The following SUSD4 variants were observed in gnomAD, a reference collection of about 807,000 sequenced individuals.
SUSD4 encodes the protein sushi domain-containing protein 4.
In SUSD4, 41 loss-of-function variants were observed where a neutral mutation model predicts 50.5. The ratio of observed to expected loss-of-function variants is 0.81; its 90% CI spans 0.63 to 1.05. The LOEUF (loss-of-function observed/expected upper bound fraction) is 1.05. SUSD4 is among the 50% of genes least tolerant of loss of function. The pLI is 0.00. For missense variants in SUSD4, 580 were observed against 634.7 expected (o/e 0.91, Z 0.93); for synonymous variants, 257 against 257.3 (o/e 1.00, Z 0.01).
intron 2 of SUSD4, among the ~76,000 whole-genome samples, chr1:223,327,789 A>G (rs1666961648): frequency 6.6e-6 from 1 of 152,232 alleles, no homozygotes; most frequent in Non-Finnish European, 1.5e-5. Flanking sequence ...CATCTGCCTA[A>G]CCCTATCACA....
At chr1:223,228,639 T>G (rs1419960748) in intron 6 of SUSD4, among the ~76,000 whole-genome samples, 1 of 152,142 alleles carries the variant, frequency 6.6e-6, no homozygotes, top group African/African-American at 2.4e-5. Flanking sequence ...AGCTTGCAAA[T>G]GGCCTATAGT....
At chr1:223,251,642 C>T (rs538307192) in intron 5 of SUSD4, among the ~76,000 whole-genome samples, 6 of 152,288 alleles carry the variant, frequency 3.9e-5, no homozygotes, top group East Asian at 1.9e-4. Context: ...TTTCTTAATC[C>T]AGTCTATCAT....
At chr1:223,362,206 C>G (rs751084696) in intron 2 of SUSD4, among the ~76,000 whole-genome samples, 1 of 152,174 alleles carries the variant, frequency 6.6e-6, no homozygotes, top group African/African-American at 2.4e-5. Context: ...TGTGTTAAAG[C>G]CCAACTTATT....
chr1:223,263,921 A>C, intron 5 of SUSD4: 1 of 985,302 alleles, frequency 1.0e-6, no homozygotes, highest in Non-Finnish European at 1.2e-6. Context: ...TACCCACTAT[A>C]CTCAGATGCT....
rs112344466 is a variant in SUSD4, at chr1:223,270,108, A to G, written c.362-1433T>C. On this transcript the variant is annotated intron_variant, in intron 3 of 8. Transcript: ENST00000366878. ...GAAAATAGGATGTCAATGATGGGAA[A>G]GACTCAGGCAGACAGGGGCTTCCAA... Among the ~76,000 whole-genome samples the G allele has an allele frequency of 5.3e-5, 8 of 152,270 alleles. 1 individual carries two copies. The highest frequency in any genetic ancestry group is 1.7e-4 in the African/African-American group (7 of 41,564).
chr1:223,260,337 T>C (rs1407213765), intron 5 of SUSD4, among the ~76,000 whole-genome samples: 4 of 152,242 alleles, frequency 2.6e-5, no homozygotes, highest in Non-Finnish European at 5.9e-5. Flanking sequence ...AGGTGTTCAA[T>C]AGTCACTGGT....
At chr1:223,242,071 A>G (rs1177469232) in intron 5 of SUSD4, among the ~76,000 whole-genome samples, 8 of 152,112 alleles carry the variant, frequency 5.3e-5, no homozygotes, top group Non-Finnish European at 1.0e-4. Context: ...CCTCCCAAGT[A>G]GCTGGGATTA....
At chr1:223,261,540 T>C (rs1662121843) in intron 5 of SUSD4, among the ~76,000 whole-genome samples, 1 of 152,228 alleles carries the variant, frequency 6.6e-6, no homozygotes, top group Non-Finnish European at 1.5e-5. Context: ...GGAGACACTG[T>C]GTCAAACACT....
At chr1:223,263,133 C>T (rs1426227895) in intron 5 of SUSD4, among the ~76,000 whole-genome samples, 6 of 152,098 alleles carry the variant, frequency 3.9e-5, no homozygotes, top group South Asian at 2.1e-4. Context: ...ATCGTAACAA[C>T]GATATCTTTA....
intron 5 of SUSD4, among the ~76,000 whole-genome samples, chr1:223,241,256 T>C (rs1414383115): frequency 1.3e-5 from 2 of 152,204 alleles, no homozygotes; most frequent in African/African-American, 4.8e-5. Context: ...GGGATTTTTA[T>C]GTGAGAAAAA....
intron 5 of SUSD4, among the ~76,000 whole-genome samples, chr1:223,246,485 C>A (rs1218733606): frequency 2.0e-5 from 3 of 151,102 alleles, no homozygotes; most frequent in Admixed American, 6.6e-5. Flanking sequence ...CACCCCAGAG[C>A]TCTTGATCTT....
At chr1:223,276,169 G>GAAAAACTGCTTTCTGGAAA (rs1663253784) in intron 3 of SUSD4, among the ~76,000 whole-genome samples, 1 of 152,246 alleles carries the variant, frequency 6.6e-6, no homozygotes, top group Non-Finnish European at 1.5e-5. Context: ...GCAAGCTTGT[G>GAAAAACTGCTTTCTGGAAA]AAAAACTGCT....
chr1:223,263,722 C>G (rs993852903), intron 5 of SUSD4: 1 of 985,332 alleles, frequency 1.0e-6, no homozygotes, highest in African/African-American at 1.7e-5. Context: ...CTCCATGACA[C>G]ACGTCCTACC....
intron 2 of SUSD4, among the ~76,000 whole-genome samples, chr1:223,296,469 A>G (rs1664832613): frequency 6.6e-6 from 1 of 152,212 alleles, no homozygotes; most frequent in South Asian, 2.1e-4. Context: ...CAGCTGGAGC[A>G]TGAGCCAGAA....
At chr1:223,292,748 G>A (rs1331698715) in intron 2 of SUSD4, 97 bp from the exon 3 acceptor site, 7 of 1,281,228 alleles carry the variant, frequency 5.5e-6, no homozygotes, top group African/African-American at 1.5e-5. Flanking sequence ...GATGTCATAC[G>A]CCTTGGACAC....
intron 7 of SUSD4, among the ~76,000 whole-genome samples, chr1:223,224,237 T>C (rs2102989301): frequency 6.6e-6 from 1 of 152,256 alleles, no homozygotes; most frequent in Non-Finnish European, 1.5e-5. Context: ...TTCAAGAGGC[T>C]GAGGCAGGAG....
intron 2 of SUSD4, among the ~76,000 whole-genome samples, chr1:223,351,796 T>C (rs1458993073): frequency 1.3e-5 from 2 of 152,000 alleles, no homozygotes; most frequent in Non-Finnish European, 2.9e-5. Flanking sequence ...TGAAAGTGTG[T>C]GTATCTTAAT....
At chr1:223,278,029 T>C (rs757596426) in intron 3 of SUSD4, among the ~76,000 whole-genome samples, 2 of 152,186 alleles carry the variant, frequency 1.3e-5, no homozygotes, top group African/African-American at 2.4e-5. Flanking sequence ...GAATATGTAC[T>C]TTTCCTAAGT....
intron 3 of SUSD4, chr1:223,289,014 G>A (rs1256608456): frequency 5.2e-6 from 4 of 770,476 alleles, no homozygotes; most frequent in Non-Finnish European, 6.3e-6. Context: ...GTAGGAAAGG[G>A]ATATATTTAC....
Sources: gnomAD v4.1 joint callset for allele counts (sites outside exome capture counted in the v4.1 genomes callset) on GRCh38, gnomAD v4.1.1 for gene constraint, MANE v1.5 for transcripts, NCBI Gene and HGNC (gene_info 2026-07-23, HGNC 2026-07-21) for gene names.